Variants in ATP11C observed in about 807,000 individuals in gnomAD.
The protein encoded by ATP11C is ATPase phospholipid transporting 11C (ATP11C blood group), also known as phospholipid-transporting ATPase IG.
ATP11C carries 36 observed loss-of-function variants against 97.4 expected under a neutral mutation model. The observed-to-expected ratio is 0.37, with a 90% CI of 0.28 to 0.49. The LOEUF is 0.49. ATP11C is among the 20% of genes least tolerant of loss of function. The pLI is 0.98. For synonymous variants in ATP11C, 275 were observed against 290.9 expected (o/e 0.95, Z 0.56); for missense variants, 730 against 824.6 (o/e 0.89, Z 1.40).
chrX:139,855,117 G>A (rs956120592), intron 1 of ATP11C, among the ~76,000 whole-genome samples: 1 of 111,593 alleles, frequency 9.0e-6, no homozygotes, highest in Non-Finnish European at 1.9e-5. Flanking sequence ...AGCTTATCTG[G>A]TATAAAAATA....
chrX:139,746,226 CTAA>C (rs1202672487), intron 24 of ATP11C, among the ~76,000 whole-genome samples: 2 of 111,684 alleles, frequency 1.8e-5, no homozygotes, highest in East Asian at 5.6e-4. Flanking sequence ...CTCACATTTG[CTAA>C]TAATAAGGAG....
At chrX:139,880,397 T>C (rs769368296) in intron 1 of ATP11C, among the ~76,000 whole-genome samples, 3 of 111,857 alleles carry the variant, frequency 2.7e-5, no homozygotes, top group African/African-American at 6.5e-5. Flanking sequence ...TGGCTTTCCT[T>C]TGCCTTGGTA....
chrX:139,779,659 A>C (rs916675587), intron 18 of ATP11C, among the ~76,000 whole-genome samples: 101 of 111,887 alleles, frequency 9.0e-4, no homozygotes, highest in African/African-American at 3.1e-3. Context: ...TGAACAACCT[A>C]ATGTCACACC....
chrX:139,762,021 C>A lies in ATP11C; in HGVS notation c.2580G>T (p.Leu860Phe). The change falls in exon 22 of 30, where the codon TTG (leucine) becomes TTT (phenylalanine). Residue 860 changes from leucine (L) to phenylalanine (F), a missense_variant. Physicochemically the swap from Leu to Phe is conservative, Grantham distance 22. Transcript: ENST00000682941. The stretch of plus-strand genomic sequence containing the variant: ...TCACATAATATAGATGTCCATGAGC[C>A]AACAGCAGTTTCTTTAAGTGTTTAA... ...PKFKHLKKLL[L>F]AHGHLYYVRI... 1 of 1,205,349 alleles carries A rather than the reference C, an allele frequency of 8.3e-7. No individual in the cohort carries two copies. Among genetic ancestry groups the A allele is most frequent in the Non-Finnish European group, 1.1e-6 (1 of 890,069 alleles).
chrX:139,736,436 T>A (rs1180910811), intron 28 of ATP11C, among the ~76,000 whole-genome samples: 2 of 111,683 alleles, frequency 1.8e-5, no homozygotes, highest in Non-Finnish European at 1.9e-5. Context: ...CATTCCAAAG[T>A]ATACTCCCAA....
At chrX:139,776,164 CTGT>C (rs776188899) in intron 18 of ATP11C, among the ~76,000 whole-genome samples, 3 of 112,692 alleles carry the variant, frequency 2.7e-5, no homozygotes, top group African/African-American at 6.4e-5. Flanking sequence ...CCCCTGTACA[CTGT>C]TGTTGATGCA....
At chrX:139,740,846 T>A in intron 27 of ATP11C, 145 bp downstream of exon 27, 1 of 419,283 alleles carries the variant, frequency 2.4e-6, no homozygotes, top group South Asian at 4.5e-5. Context: ...AGCTAACAAA[T>A]AACCTTCAGG....
intron 6 of ATP11C, among the ~76,000 whole-genome samples, chrX:139,802,998 C>T (rs1359930878): frequency 8.9e-6 from 1 of 111,807 alleles, no homozygotes; most frequent in Non-Finnish European, 1.9e-5. Flanking sequence ...TATAAATCAT[C>T]AAACAAGGGT....
intron 20 of ATP11C, 121 bp downstream of exon 20, chrX:139,768,139 G>T: frequency 2.1e-6 from 1 of 480,116 alleles, no homozygotes; most frequent in Non-Finnish European, 3.0e-6. Flanking sequence ...AGCCTTGGAG[G>T]AAGAAATTAG....
intron 12 of ATP11C, among the ~76,000 whole-genome samples, chrX:139,794,555 A>C (rs938185485): frequency 8.9e-6 from 1 of 111,840 alleles, no homozygotes; most frequent in African/African-American, 3.2e-5. Context: ...CTAGAAATGC[A>C]AGGTTTGGTG....
At chrX:139,742,877 ATATATATATATAT>A (rs1160253149) in intron 26 of ATP11C, among the ~76,000 whole-genome samples, 1,033 of 68,335 alleles carry the variant, frequency 0.015, 16 homozygotes, top group Middle Eastern at 0.063. Flanking sequence ...AAAAAAAAAA[ATATATATATATAT>A]ATATATATAT....
At chrX:139,732,902 T>A (rs576064006) in intron 28 of ATP11C, among the ~76,000 whole-genome samples, 2 of 111,739 alleles carry the variant, frequency 1.8e-5, no homozygotes, top group South Asian at 7.4e-4. Flanking sequence ...GGTCAAAGAG[T>A]TATGTCCAGG....
At chrX:139,730,135 T>C (rs2081312423) in intron 29 of ATP11C, among the ~76,000 whole-genome samples, 1 of 111,562 alleles carries the variant, frequency 9.0e-6, no homozygotes, top group Admixed American at 9.5e-5. Flanking sequence ...AAGAAATAAC[T>C]ACATTAAAAA....
At chrX:139,784,687 G>A (rs1032580661) in intron 16 of ATP11C, among the ~76,000 whole-genome samples, 4 of 111,024 alleles carry the variant, frequency 3.6e-5, no homozygotes, top group African/African-American at 1.3e-4. Flanking sequence ...GCTTTACTCT[G>A]CTCAACAAAG....
chrX:139,794,430 C>G (rs1472977150), intron 12 of ATP11C, among the ~76,000 whole-genome samples: 1 of 112,384 alleles, frequency 8.9e-6, no homozygotes, highest in Admixed American at 9.5e-5. Flanking sequence ...TTTGCACTTT[C>G]ATTTAGGTCG....
intron 16 of ATP11C, among the ~76,000 whole-genome samples, chrX:139,784,028 A>T (rs1356427677): frequency 1.8e-5 from 2 of 112,437 alleles, no homozygotes; most frequent in African/African-American, 6.5e-5. Flanking sequence ...TGATGAGAAT[A>T]GCTTTGTAGA....
chrX:139,815,194 G>C (rs1338218407), intron 4 of ATP11C, among the ~76,000 whole-genome samples: 1 of 112,076 alleles, frequency 8.9e-6, no homozygotes, highest in African/African-American at 3.2e-5. Flanking sequence ...GCTTTGTTGT[G>C]TTAAAAGTTT....
intron 6 of ATP11C, among the ~76,000 whole-genome samples, chrX:139,803,756 T>C (rs1366352053): frequency 1.2e-5 from 1 of 86,173 alleles, no homozygotes; most frequent in Admixed American, 1.6e-4. Context: ...TGGAGTGCAG[T>C]GGCGTGATCT....
chrX:139,770,846 C>T, intron 19 of ATP11C, among the ~76,000 whole-genome samples: 1 of 111,950 alleles, frequency 8.9e-6, no homozygotes, highest in Non-Finnish European at 1.9e-5. Context: ...GTGCTATAGA[C>T]TGAATTGTGT....
Sources: gnomAD v4.1 joint callset for allele counts (sites outside exome capture counted in the v4.1 genomes callset) on GRCh38, gnomAD v4.1.1 for gene constraint, MANE v1.5 for transcripts, NCBI Gene and HGNC (gene_info 2026-07-23, HGNC 2026-07-21) for gene names.